Variants in PRDX4 observed in about 807,000 individuals in gnomAD.
PRDX4 encodes the protein peroxiredoxin 4, also known as peroxiredoxin-4.
PRDX4 carries 12 observed loss-of-function variants against 20.5 expected under a neutral mutation model. The ratio of observed to expected loss-of-function variants is 0.58; its 90% CI spans 0.37 to 0.95. The LOEUF is 0.95. Among genes scored for constraint, PRDX4 ranks in the 40% least tolerant of loss-of-function variants. The probability of loss-of-function intolerance (pLI) is 0.01; values close to 1 mark genes in which losing one functional copy is unlikely to be tolerated. For synonymous variants in PRDX4, 99 were observed against 87.5 expected, an observed-to-expected ratio of 1.13 and a Z score of -0.73; for missense variants, 180 against 207.3, an observed-to-expected ratio of 0.87 and a Z score of 0.81.
At chrX:23,677,971 G>C (rs907695808) in intron 3 of PRDX4, among the ~76,000 whole-genome samples, 1 of 112,423 alleles carries the variant, frequency 8.9e-6, no homozygotes, top group Non-Finnish European at 1.9e-5. Flanking sequence ...TTTATGATGT[G>C]TTTATCAAGA....
intron 1 of PRDX4, among the ~76,000 whole-genome samples, chrX:23,669,947 A>T (rs1054402827): frequency 1.8e-5 from 2 of 110,500 alleles, no homozygotes; most frequent in Non-Finnish European, 3.8e-5. Flanking sequence ...AACTAAAATT[A>T]AAAAAAATAA....
intron 6 of PRDX4, chrX:23,686,056 G>A: frequency 2.2e-6 from 1 of 456,917 alleles, no homozygotes; most frequent in South Asian, 2.7e-5. Flanking sequence ...CTGTAAGTAA[G>A]TTTTGGGGTG....
chrX:23,675,302 T>G, intron 3 of PRDX4, 196 bp downstream of exon 3: 3 of 822,193 alleles, frequency 3.6e-6, no homozygotes, highest in Non-Finnish European at 4.9e-6. Flanking sequence ...AATCAGCTGC[T>G]ATAATAAAAA....
Position 23,682,409 on chromosome X carries a change from A to T in PRDX4, c.613A>T (p.Ile205Phe). 8.6e-7 allele frequency: 1 copy of T among 1,167,037 alleles called. No individual in the cohort carries two copies. Among genetic ancestry groups the T allele is most frequent in the Non-Finnish European group, 1.2e-6 (1 of 867,666 alleles). ...SGHTLRGLFIIDDKGILRQIT... is the reference protein window; with the variant it reads ...SGHTLRGLFIFDDKGILRQIT... The stretch of plus-strand genomic sequence containing the variant: ...TCTGTTTTACAGAGGTCTCTTCATT[A>T]TTGATGACAAAGGAATCCTAAGACA... The change falls in exon 5 of 7, where the codon ATT (isoleucine) becomes TTT (phenylalanine). Residue 205 changes from isoleucine (I) to phenylalanine (F), a missense_variant. Coordinates refer to ENST00000379341, the MANE Select transcript of PRDX4 (RefSeq NM_006406.2).
At chrX:23,670,670 T>C (rs1360699919) in intron 1 of PRDX4, among the ~76,000 whole-genome samples, 5 of 112,399 alleles carry the variant, frequency 4.4e-5, no homozygotes, top group African/African-American at 1.6e-4. Flanking sequence ...CTAAAATTAC[T>C]GTACGCCCTT....
intron 3 of PRDX4, among the ~76,000 whole-genome samples, chrX:23,676,157 A>G (rs1223891261): frequency 1.3e-5 from 1 of 78,641 alleles, no homozygotes; most frequent in Non-Finnish European, 2.5e-5. Context: ...AAAAAAAAAA[A>G]AAAAAAAAAA....
At chrX:23,668,078 G>A (rs1209814088) in intron 1 of PRDX4, among the ~76,000 whole-genome samples, 1 of 112,485 alleles carries the variant, frequency 8.9e-6, no homozygotes, top group African/African-American at 3.2e-5. Context: ...CCCTAGTCCC[G>A]AGTTTGCATC....
At chrX:23,679,395 A>T in intron 4 of PRDX4, 108 bp downstream of exon 4, 1 of 925,395 alleles carries the variant, frequency 1.1e-6, no homozygotes, top group Non-Finnish European at 1.5e-6. Context: ...CAAGAAATAT[A>T]ATTTTGAGGC....
chrX:23,671,203 A>G (rs1011855866), intron 1 of PRDX4, among the ~76,000 whole-genome samples: 2 of 111,705 alleles, frequency 1.8e-5, no homozygotes, highest in African/African-American at 6.5e-5. Flanking sequence ...CTGAAACACC[A>G]TTTTCACTCA....
At chrX:23,678,245 T>C (rs1309361069) in intron 3 of PRDX4, among the ~76,000 whole-genome samples, 1 of 99,372 alleles carries the variant, frequency 1.0e-5, no homozygotes, top group Non-Finnish European at 2.0e-5. Context: ...CCAGCCTGGG[T>C]GACAGAGCAA....
At chrX:23,681,149 G>T (rs752441505) in intron 4 of PRDX4, among the ~76,000 whole-genome samples, 37 of 111,326 alleles carry the variant, frequency 3.3e-4, no homozygotes, top group African/African-American at 8.8e-4. Flanking sequence ...GGAGAATGGC[G>T]TGAACCCTGG....
chrX:23,673,426 A>C (rs1238671991), intron 2 of PRDX4, among the ~76,000 whole-genome samples: 1 of 112,469 alleles, frequency 8.9e-6, no homozygotes, highest in Non-Finnish European at 1.9e-5. Flanking sequence ...AAGTTGGTCA[A>C]ATGTATCTCT....
At chrX:23,685,048 C>T (rs1262731764) in intron 6 of PRDX4, among the ~76,000 whole-genome samples, 2 of 112,350 alleles carry the variant, frequency 1.8e-5, no homozygotes, top group Admixed American at 1.9e-4. Flanking sequence ...AACACGTATG[C>T]ATTTTTCTGG....
At chrX:23,674,660 ATAAATAAAAGGTATTAT>A (rs1927909383) in intron 2 of PRDX4, among the ~76,000 whole-genome samples, 1 of 111,853 alleles carries the variant, frequency 8.9e-6, no homozygotes, top group South Asian at 3.7e-4. Context: ...AAAATACTAT[ATAAATAAAAGGTATTAT>A]TAAATAAAAG....
At chrX:23,683,527 A>G in intron 5 of PRDX4, 144 bp from the exon 6 acceptor site, 1 of 481,461 alleles carries the variant, frequency 2.1e-6, no homozygotes, top group Non-Finnish European at 3.4e-6. Flanking sequence ...ACAGGCAGCT[A>G]ATAGAAGTCA....
At chrX:23,672,339 G>C (rs1317415146) in intron 2 of PRDX4, among the ~76,000 whole-genome samples, 1 of 112,059 alleles carries the variant, frequency 8.9e-6, no homozygotes, top group Non-Finnish European at 1.9e-5. Flanking sequence ...ATTCTTTGCT[G>C]CATCTGTTGC....
intron 6 of PRDX4, among the ~76,000 whole-genome samples, chrX:23,684,215 G>A (rs571195464): frequency 9.2e-4 from 101 of 109,967 alleles, no homozygotes; most frequent in South Asian, 1.6e-3. Context: ...TATGGGGCGT[G>A]ATGCTGTGAA....
intron 2 of PRDX4, among the ~76,000 whole-genome samples, chrX:23,672,915 TTA>T: frequency 8.9e-6 from 1 of 112,265 alleles, no homozygotes; most frequent in East Asian, 2.8e-4. Flanking sequence ...GAGACTAAAG[TTA>T]TGAGTCTGCA....
intron 4 of PRDX4, 140 bp downstream of exon 4, chrX:23,679,427 G>A (rs1201314723): frequency 2.8e-6 from 2 of 724,079 alleles, no homozygotes; most frequent in Non-Finnish European, 3.9e-6. Flanking sequence ...GCTCAAGCCT[G>A]TAATCCTGGC....
Sources: gnomAD v4.1 joint callset for allele counts (sites outside exome capture counted in the v4.1 genomes callset) on GRCh38, gnomAD v4.1.1 for gene constraint, MANE v1.5 for transcripts, NCBI Gene and HGNC (gene_info 2026-07-23, HGNC 2026-07-21) for gene names.